CADPS2: variants seen among roughly 807,000 people sequenced by gnomAD.
The protein encoded by CADPS2 is calcium-dependent secretion activator 2.
In CADPS2, 93 loss-of-function variants were observed where a neutral mutation model predicts 172.5. The observed-to-expected ratio is 0.54, with a 90% CI of 0.46 to 0.64. The LOEUF (loss-of-function observed/expected upper bound fraction) is 0.64. Ranked by LOEUF, CADPS2 falls within the 30% of genes least tolerant of loss-of-function variation. The pLI is 0.00. For synonymous variants in CADPS2, 546 were observed against 555.2 expected, an observed-to-expected ratio of 0.98 and a Z score of 0.23; for missense variants, 1,420 against 1,565.9, an observed-to-expected ratio of 0.91 and a Z score of 1.57.
chr7:122,422,480 T>C (rs1223045469), intron 17 of CADPS2, among the ~76,000 whole-genome samples: 1 of 152,126 alleles, frequency 6.6e-6, no homozygotes, highest in African/African-American at 2.4e-5. Context: ...CTAAAGGAGA[T>C]AGTGATTGAT....
At chr7:122,808,408 C>T (rs1305014436) in intron 1 of CADPS2, among the ~76,000 whole-genome samples, 2 of 152,224 alleles carry the variant, frequency 1.3e-5, no homozygotes, top group African/African-American at 4.8e-5. Flanking sequence ...ATCTTAACTA[C>T]TGTGACAACT....
intron 1 of CADPS2, among the ~76,000 whole-genome samples, chr7:122,805,801 C>T (rs1480093865): frequency 6.6e-6 from 1 of 152,148 alleles, no homozygotes; most frequent in Non-Finnish European, 1.5e-5. Flanking sequence ...AGAGACTTCT[C>T]TCCCAAAAGG....
intron 11 of CADPS2, among the ~76,000 whole-genome samples, chr7:122,488,429 A>G (rs952357918): frequency 2.6e-5 from 4 of 152,242 alleles, no homozygotes; most frequent in Non-Finnish European, 4.4e-5. Flanking sequence ...GGGAATACCC[A>G]ACAAGTTACT....
intron 2 of CADPS2, among the ~76,000 whole-genome samples, chr7:122,724,195 A>G (rs2090834019): frequency 6.6e-6 from 1 of 152,010 alleles, no homozygotes; most frequent in African/African-American, 2.4e-5. Flanking sequence ...GAAAAATTAA[A>G]AAATAAAAAT....
intron 1 of CADPS2, among the ~76,000 whole-genome samples, chr7:122,737,454 G>A (rs1015709627): frequency 2.0e-5 from 3 of 152,096 alleles, no homozygotes; most frequent in African/African-American, 7.2e-5. Flanking sequence ...CAAATGATCC[G>A]CCTGCCTTGG....
chr7:122,776,296 T>G (rs973990472), intron 1 of CADPS2, among the ~76,000 whole-genome samples: 1 of 152,182 alleles, frequency 6.6e-6, no homozygotes, highest in Non-Finnish European at 1.5e-5. Flanking sequence ...CATGCTGCCA[T>G]GTAAGACATG....
chr7:122,375,635 C>A (rs1320156098), intron 25 of CADPS2, among the ~76,000 whole-genome samples: 1 of 151,986 alleles, frequency 6.6e-6, no homozygotes, highest in Non-Finnish European at 1.5e-5. Flanking sequence ...GATTAAATAA[C>A]TTAAGACCTC....
chr7:122,819,412 T>A (rs1802463669), intron 1 of CADPS2, among the ~76,000 whole-genome samples: 1 of 152,134 alleles, frequency 6.6e-6, no homozygotes, highest in South Asian at 2.1e-4. Flanking sequence ...CCCGATCGCC[T>A]TGGAAGCCCC....
chr7:122,494,700 T>C lies in CADPS2; in HGVS notation c.1543-3280A>G, dbSNP rs1316480296. On this transcript the variant is annotated intron_variant, in intron 9 of 29. Coordinates refer to ENST00000449022, the MANE Select transcript of CADPS2 (RefSeq NM_017954.11). ...GAAAAAAGAATAAAGTTATTTCTAT[T>C]TTGAAGAATAAAAACATTAAGCCTT... is the stretch of plus-strand genomic sequence containing the variant. Among the ~76,000 whole-genome samples, 3 of 152,018 alleles carry C rather than the reference T, an allele frequency of 2.0e-5. 1 individual carries two copies. The highest frequency in any genetic ancestry group is 2.9e-5 in the Non-Finnish European group (2 of 67,994).
intron 8 of CADPS2, among the ~76,000 whole-genome samples, chr7:122,528,634 G>A: frequency 6.6e-6 from 1 of 152,140 alleles, no homozygotes; most frequent in Non-Finnish European, 1.5e-5. Flanking sequence ...TTAACTTAAA[G>A]CTTAAGAATT....
intron 4 of CADPS2, among the ~76,000 whole-genome samples, chr7:122,626,564 T>C (rs866263960): frequency 6.6e-6 from 1 of 152,138 alleles, no homozygotes; most frequent in Non-Finnish European, 1.5e-5. Flanking sequence ...CTCATCCCAC[T>C]TTTTCTGATC....
At chr7:122,649,106 T>C (rs1414781699) in intron 3 of CADPS2, among the ~76,000 whole-genome samples, 1 of 151,434 alleles carries the variant, frequency 6.6e-6, no homozygotes, top group Non-Finnish European at 1.5e-5. Context: ...AGCTCTTTGA[T>C]CTAGTATATA....
intron 11 of CADPS2, among the ~76,000 whole-genome samples, chr7:122,484,304 A>G (rs2057587033): frequency 6.6e-6 from 1 of 152,176 alleles, no homozygotes; most frequent in Non-Finnish European, 1.5e-5. Context: ...GTGTGGTAAT[A>G]ATATTAAGAT....
intron 2 of CADPS2, chr7:122,698,970 T>A: frequency 1.6e-6 from 2 of 1,258,700 alleles, no homozygotes. Flanking sequence ...GCACATCTGT[T>A]GACAATTAAT....
At chr7:122,557,226 A>G (rs1587254238) in intron 7 of CADPS2, among the ~76,000 whole-genome samples, 1 of 152,058 alleles carries the variant, frequency 6.6e-6, no homozygotes, top group East Asian at 1.9e-4. Flanking sequence ...AAGTGGTCAT[A>G]CTCCTTTATC....
chr7:122,475,341 G>A (rs969321135), intron 12 of CADPS2, among the ~76,000 whole-genome samples: 5 of 152,184 alleles, frequency 3.3e-5, no homozygotes, highest in Non-Finnish European at 5.9e-5. Context: ...AGCGCATACT[G>A]AGCAAGCAAT....
At chr7:122,611,895 T>C (rs1182002874) in intron 6 of CADPS2, among the ~76,000 whole-genome samples, 1 of 150,140 alleles carries the variant, frequency 6.7e-6, no homozygotes, top group East Asian at 1.9e-4. Context: ...GAATGCAAGG[T>C]TCATTTAACA....
At chr7:122,685,390 G>A (rs1178915807) in intron 2 of CADPS2, among the ~76,000 whole-genome samples, 1 of 152,132 alleles carries the variant, frequency 6.6e-6, no homozygotes, top group South Asian at 2.1e-4. Flanking sequence ...TTCTTCCCAA[G>A]CCCATTCTTC....
chr7:122,613,285 C>A (rs1356713636), intron 6 of CADPS2, among the ~76,000 whole-genome samples: 6 of 151,910 alleles, frequency 3.9e-5, no homozygotes, highest in Admixed American at 2.0e-4. Context: ...ATGATGTGGG[C>A]CTAGTATCCA....
Sources: allele counts gnomAD v4.1 joint callset (sites outside exome capture counted in the v4.1 genomes callset), GRCh38; gene constraint gnomAD v4.1.1; transcripts MANE v1.5; gene names NCBI Gene and HGNC (gene_info 2026-07-23, HGNC 2026-07-21).